The following NLRC4 variants were observed in gnomAD, a reference collection of about 807,000 sequenced individuals.
The protein encoded by NLRC4 is NLR family CARD domain containing 4, also known as NLR family CARD domain-containing protein 4.
Under a neutral mutation model 79.9 loss-of-function variants are expected in NLRC4, and 63 were observed. The observed-to-expected ratio is 0.79, with a 90% confidence interval of 0.64 to 0.97. The LOEUF is 0.97. Ranked by LOEUF, NLRC4 falls within the 50% of genes least tolerant of loss-of-function variation. The pLI, the probability that NLRC4 is intolerant of heterozygous loss-of-function variation, is 0.00. For synonymous variants in NLRC4, 461 were observed against 456.5 expected, an observed-to-expected ratio of 1.01 and a Z score of -0.12; for missense variants, 1,074 against 1,215.2, an observed-to-expected ratio of 0.88 and a Z score of 1.73.
In NLRC4 at chr2:32,224,672, C is replaced by G. The variant is rs147026757; in HGVS notation, c.2876G>C (p.Gly959Ala). 2.0e-5 allele frequency: 32 copies of G among 1,612,832 alleles called. No individual in the cohort carries two copies. The African/African-American group carries it at 4.0e-4, about 20-fold the overall frequency. Residue 959 changes from glycine to alanine, a missense_variant, in exon 9 of 9, where the codon GGT (glycine) becomes GCT (alanine). Coordinates refer to ENST00000402280, the MANE Select transcript of NLRC4 (RefSeq NM_001199138.2). The stretch of plus-strand genomic sequence containing the variant: ...TAATTGCTTAAGATTCTCAAATACA[C>G]CCATGAAGGCAAGCCATCCATCACT... ...VSSDGWLAFM[G>A]VFENLKQLVF...
At chr2:32,235,681 A>G (rs1228148685) in intron 7 of NLRC4, 113 bp from the exon 8 acceptor site, 5 of 822,974 alleles carry the variant, frequency 6.1e-6, no homozygotes, top group Non-Finnish European at 9.3e-6. Flanking sequence ...AGCCTACTCA[A>G]TCTGTAATGA....
intron 8 of NLRC4, 53 bp from the exon 9 acceptor site, chr2:32,224,818 A>AAG: frequency 1.9e-6 from 2 of 1,074,086 alleles, no homozygotes; most frequent in Non-Finnish European, 2.7e-6. Context: ...TTTAAAAAAA[A>AAG]AGAGAAATAG....
chr2:32,233,343 A>ATT (rs1180601949), intron 8 of NLRC4, among the ~76,000 whole-genome samples: 1 of 54,816 alleles, frequency 1.8e-5, no homozygotes, highest in Non-Finnish European at 3.4e-5. Context: ...ATATATATAT[A>ATT]TATATATTTT....
At position 32,243,771 on chromosome 2, in the gene NLRC4, T is replaced by C. The variant is rs1166742034; in HGVS notation, c.2258-2646A>G. On this transcript the variant is annotated intron_variant, in intron 4 of 8. Transcript: ENST00000402280. The stretch of plus-strand genomic sequence containing the variant: ...CGAGATCGCATCATTGCACTCAGCC[T>C]GGTGACACAGCAAGATTCCATCTCA... Among the ~76,000 whole-genome samples the C allele has an allele frequency of 3.5e-5, 5 of 144,848 alleles. No homozygotes were observed. In the East Asian group the frequency reaches 1.0e-3, roughly 29 times the overall value.
chr2:32,250,652 G>A lies in NLRC4; in HGVS notation c.1212C>T (p.His404=). 1.2e-6 allele frequency: 2 copies of A among 1,614,172 alleles called. No homozygotes were observed. The highest frequency in any genetic ancestry group is 2.2e-5 in the South Asian group (2 of 91,088). Residue 404 remains histidine, a synonymous_variant, in exon 4 of 9, where the codon CAC becomes CAT. Transcript: ENST00000402280. The surrounding 1 kb of genome is among the most constrained non-coding windows in gnomAD (Gnocchi z 4.9). ...CATCCTGCAGTTCGAAATCAAACTT[G>A]TGGGAGAACACACCCTCCAGAGCTA... ...GDLALEGVFS[H]KFDFELQDVS...
intron 6 of NLRC4, 104 bp downstream of exon 6, chr2:32,238,028 C>A: frequency 9.8e-5 from 73 of 744,658 alleles, no homozygotes; most frequent in East Asian, 2.6e-4. Context: ...TTCCAGTTTT[C>A]CTTAAAATTA....
In NLRC4 at chr2:32,250,694, C is replaced by T; in HGVS notation, c.1170G>A (p.Leu390=). Residue 390 remains leucine (L), a synonymous_variant, in exon 4 of 9, where the codon CTG becomes CTA. Coordinates refer to ENST00000402280, the MANE Select transcript of NLRC4 (RefSeq NM_001199138.2). The surrounding 1 kb of genome is among the most constrained non-coding windows in gnomAD (Gnocchi z 4.9). The part of the protein sequence containing the change: ...GVAASDFIRS[L]DHCGDLALEG... ...CCAGAGCTAGGTCTCCACAGTGGTC[C>T]AGGCTCCGAATGAAGTCACTTGCAG... 1 of 1,614,186 alleles carries T rather than the reference C, an allele frequency of 6.2e-7. No homozygotes were observed.
In NLRC4 at chr2:32,251,124, A is replaced by G. The variant is rs1344051951; in HGVS notation, c.740T>C (p.Leu247Pro). The G allele has an allele frequency of 3.1e-6, 5 of 1,614,082 alleles. No homozygotes were observed. The highest frequency in any genetic ancestry group is 4.2e-6 in the Non-Finnish European group (5 of 1,180,040). ...LKLRQRVLFL[L>P]DGYNEFKPQN... Reference sequence around the variant, plus strand: ...GGGCTTGAATTCATTGTAGCCATCAAGAAGGAAAAGAACCCTCTGCCGCAG... The same window carrying G: ...GGGCTTGAATTCATTGTAGCCATCAGGAAGGAAAAGAACCCTCTGCCGCAG... The change falls in exon 4 of 9, where the codon CTT becomes CCT. Residue 247 changes from leucine (L) to proline (P), a missense_variant. Leu to Pro is a moderately conservative substitution (Grantham distance 98). Transcript: ENST00000402280.
At chr2:32,253,338 C>T (rs577319541) in intron 2 of NLRC4, among the ~76,000 whole-genome samples, 30 of 151,918 alleles carry the variant, frequency 2.0e-4, no homozygotes, top group Non-Finnish European at 4.1e-4. Flanking sequence ...TTTGTAGAGA[C>T]GGGGTTTCAC....
Position 32,250,403 on chromosome 2 carries a change from A to C in NLRC4, c.1461T>G (p.Tyr487Ter). The C allele has an allele frequency of 1.2e-6, 2 of 1,614,224 alleles. No individual in the cohort carries two copies. Among genetic ancestry groups the C allele is most frequent in the Non-Finnish European group, 1.7e-6 (2 of 1,180,032 alleles). The change falls in exon 4 of 9, where the codon TAT becomes TAG. Residue 487 changes from tyrosine to a stop codon, truncating the protein, a stop_gained. Coordinates refer to ENST00000402280, the MANE Select transcript of NLRC4 (RefSeq NM_001199138.2). LOFTEE classifies it high-confidence loss of function. This position sits in a 1 kb window ranked among gnomAD's most constrained non-coding sequence, Gnocchi z 4.9. ...MVSISDITST[Y>*]SSLLRYTCGS... ...CACAGGTGTACCGGAGCAGGCTGCT[A>C]TAAGTGGATGTAATGTCCGAAATGG...
At chr2:32,232,795 T>G (rs1399757894) in intron 8 of NLRC4, among the ~76,000 whole-genome samples, 1 of 152,080 alleles carries the variant, frequency 6.6e-6, no homozygotes, top group East Asian at 1.9e-4. Context: ...AAAGAACTGG[T>G]GATTAGGAGT....
At chr2:32,228,412 C>CT (rs934197242) in intron 8 of NLRC4, among the ~76,000 whole-genome samples, 4 of 152,172 alleles carry the variant, frequency 2.6e-5, no homozygotes, top group African/African-American at 4.8e-5. Flanking sequence ...AATTCACCGC[C>CT]TCCCTTAGAC....
At position 32,256,799 on chromosome 2, in the gene NLRC4, C is replaced by T. The variant is rs769248989; in HGVS notation, c.-24G>A. 5 of 780,790 alleles carry T rather than the reference C, an allele frequency of 6.4e-6. No individual in the cohort carries two copies. The highest frequency in any genetic ancestry group is 5.1e-5 in the African/African-American group (3 of 59,148). 48.4% of individuals were successfully genotyped at this position (780,790 alleles called of 1,614,324 possible). On this transcript the variant is annotated 5_prime_UTR_variant, in exon 2 of 9. Coordinates refer to ENST00000402280, the MANE Select transcript of NLRC4 (RefSeq NM_001199138.2). ...CTTGTTCTGGATGAAAGCTTCCCAC[C>T]TTTCTATAACACAATAGAAAATATT...
intron 4 of NLRC4, among the ~76,000 whole-genome samples, chr2:32,242,134 A>G (rs569213422): frequency 6.2e-4 from 94 of 152,286 alleles, no homozygotes; most frequent in East Asian, 1.2e-3. Context: ...CAGCCTCCCA[A>G]AGTGCTAGGA....
chr2:32,233,029 T>C (rs1448120913), intron 8 of NLRC4, among the ~76,000 whole-genome samples: 1 of 151,036 alleles, frequency 6.6e-6, no homozygotes, highest in Non-Finnish European at 1.5e-5. Context: ...GGAGGATCCC[T>C]TGAGCCCAGA....
In NLRC4 at chr2:32,249,706, C is replaced by T. The variant is rs1573491837; in HGVS notation, c.2158G>A (p.Glu720Lys). Residue 720 changes from glutamate to lysine, a missense_variant, in exon 4 of 9, where the codon GAA (glutamate) becomes AAA (lysine). By Grantham distance (56) the Glu-to-Lys change is moderately conservative. Transcript: ENST00000402280. ...TCKNIYSLMV[E>K]ASPLTIEDER... is the part of the protein sequence containing the mutation. ...TCTTCTATGGTGAGGGGACTGGCTTCCACCATGAGAGAATAAATGTTCTTA... is the reference window on the plus strand; with the variant it reads ...TCTTCTATGGTGAGGGGACTGGCTTTCACCATGAGAGAATAAATGTTCTTA... 1 of 1,614,074 alleles carries T rather than the reference C, an allele frequency of 6.2e-7. No homozygotes were observed. Among genetic ancestry groups the T allele is most frequent in the Non-Finnish European group, 8.5e-7 (1 of 1,179,930 alleles).
rs768372743 is a variant in NLRC4, at chr2:32,252,508, A to G, written c.173T>C (p.Ile58Thr). The G allele has an allele frequency of 2.5e-6, 4 of 1,613,836 alleles. No individual in the cohort carries two copies. Among genetic ancestry groups the G allele is most frequent in the Non-Finnish European group, 3.4e-6 (4 of 1,179,850 alleles). The change falls in exon 3 of 9, where the codon ATT becomes ACT. Residue 58 changes from isoleucine (I) to threonine (T), a missense_variant. Physicochemically the swap from Ile to Thr is moderately conservative, Grantham distance 89. Coordinates refer to ENST00000402280, the MANE Select transcript of NLRC4 (RefSeq NM_001199138.2). ...QDAARGIIHMILKKGSESCNL... is the reference protein window; with the variant it reads ...QDAARGIIHMTLKKGSESCNL... ...ACAGGACTCTGAACCCTTTTTCAAA[A>G]TCATGTGAATGATCCCTCTAGCAGC...
intron 5 of NLRC4, 24 bp downstream of exon 5, chr2:32,241,009 C>A (rs1364374470): frequency 7.1e-7 from 1 of 1,399,320 alleles, no homozygotes; most frequent in East Asian, 2.3e-5. Context: ...TACATTGATA[C>A]AAATATGAGA....
intron 5 of NLRC4, 48 bp downstream of exon 5, chr2:32,240,985 C>G (rs1558451339): frequency 8.4e-7 from 1 of 1,196,510 alleles, no homozygotes; most frequent in Non-Finnish European, 1.2e-6. Flanking sequence ...GTTAACTCCT[C>G]TTATTATCAA....
Sources: allele counts gnomAD v4.1 joint callset (sites outside exome capture counted in the v4.1 genomes callset), GRCh38; gene constraint gnomAD v4.1.1; non-coding constraint Gnocchi (gnomAD v3.1); transcripts MANE v1.5; gene names NCBI Gene and HGNC (gene_info 2026-07-23, HGNC 2026-07-21).